Variants in CALN1 observed in about 807,000 individuals in gnomAD.
The protein encoded by CALN1 is calcium-binding protein 8.
CALN1 carries 17 observed loss-of-function variants against 30.6 expected under a neutral mutation model. That is an observed-to-expected ratio of 0.56 (90% CI 0.38 to 0.83). The LOEUF (loss-of-function observed/expected upper bound fraction) is 0.83. CALN1 is among the 40% of genes least tolerant of loss of function. The pLI is 0.00. For missense variants in CALN1, 291 were observed against 354.9 expected (o/e 0.82, Z 1.45); for synonymous variants, 156 against 131.4 (o/e 1.19, Z -1.28).
chr7:71,788,478 GTT>G (rs71092906), intron 6 of CALN1, among the ~76,000 whole-genome samples: 1 of 141,788 alleles, frequency 7.1e-6, no homozygotes, highest in Non-Finnish European at 1.5e-5. Flanking sequence ...TTACTAAGAG[GTT>G]TTTTTTTGTT....
At chr7:72,354,646 C>T (rs1196974676) in intron 2 of CALN1, among the ~76,000 whole-genome samples, 1 of 152,072 alleles carries the variant, frequency 6.6e-6, no homozygotes, top group Admixed American at 6.6e-5. Context: ...TGCGTGTGAC[C>T]AATTAGTTTT....
chr7:72,238,901 A>T (rs1194682628), intron 3 of CALN1, among the ~76,000 whole-genome samples: 1 of 152,188 alleles, frequency 6.6e-6, no homozygotes. Context: ...AAAAGAAAAG[A>T]TTGTGACAAG....
chr7:72,394,632 T>C (rs936794217), intron 2 of CALN1, among the ~76,000 whole-genome samples: 2 of 151,180 alleles, frequency 1.3e-5, no homozygotes, highest in African/African-American at 2.4e-5. Flanking sequence ...TTAATCTGAG[T>C]GTATGGCACA....
intron 2 of CALN1, among the ~76,000 whole-genome samples, chr7:72,355,168 A>C (rs1803154609): frequency 6.6e-6 from 1 of 152,174 alleles, no homozygotes; most frequent in Non-Finnish European, 1.5e-5. Context: ...TCGGTCTCCC[A>C]AAGTGCTGCG....
chr7:72,335,580 A>T (rs565084936), intron 2 of CALN1, among the ~76,000 whole-genome samples: 1 of 152,126 alleles, frequency 6.6e-6, no homozygotes. Flanking sequence ...AGCCCAAAAA[A>T]GTCTCCTTTT....
At chr7:71,869,648 G>A (rs1359064294) in intron 5 of CALN1, among the ~76,000 whole-genome samples, 3 of 152,184 alleles carry the variant, frequency 2.0e-5, no homozygotes, top group Non-Finnish European at 4.4e-5. Context: ...GAAGTCTAGA[G>A]TGGGCAAACA....
At chr7:72,025,264 C>T (rs545962239) in intron 4 of CALN1, among the ~76,000 whole-genome samples, 2 of 152,120 alleles carry the variant, frequency 1.3e-5, no homozygotes, top group African/African-American at 2.4e-5. Flanking sequence ...GAGCCAAGAT[C>T]GCACTGCTGC....
chr7:72,489,735 G>A, the CALN1 span, among the ~76,000 whole-genome samples: 2 of 152,154 alleles, frequency 1.3e-5, no homozygotes, highest in Non-Finnish European at 2.9e-5. Flanking sequence ...GGAGGGGGTG[G>A]GTCCCATGGT....
intron 5 of CALN1, among the ~76,000 whole-genome samples, chr7:71,902,939 A>G (rs1793939299): frequency 6.6e-6 from 1 of 152,252 alleles, no homozygotes; most frequent in East Asian, 1.9e-4. Flanking sequence ...ACATGGACAT[A>G]GAGAGTAGAA....
chr7:72,406,699 C>T (rs759477810), intron 1 of CALN1, among the ~76,000 whole-genome samples: 13 of 151,130 alleles, frequency 8.6e-5, no homozygotes, highest in Non-Finnish European at 1.8e-4. Context: ...TCACTGCAGG[C>T]TCTGCCTCCC....
chr7:72,121,407 T>A (rs1388842977), intron 3 of CALN1, among the ~76,000 whole-genome samples: 2 of 146,258 alleles, frequency 1.4e-5, no homozygotes, highest in East Asian at 3.9e-4. Context: ...TTATATAATA[T>A]GTACTATGTA....
In CALN1 at chr7:72,389,184, CCT is replaced by C. The variant is rs1276973463; in HGVS notation, c.119+14065_119+14066del. Among the ~76,000 whole-genome samples, 28 of 152,264 alleles carry C rather than the reference CCT, an allele frequency of 1.8e-4. No individual in the cohort carries two copies. The East Asian group carries it at 2.9e-3, about 16-fold the overall frequency. ...TCCATGGCGGGGCAACGCAGGAGCCCCTGTCCCTGGTATTCACATCAAACACC... is the reference window on the plus strand; with the variant it reads ...TCCATGGCGGGGCAACGCAGGAGCCCGTCCCTGGTATTCACATCAAACACC... On this transcript the variant is annotated intron_variant, in intron 2 of 6. Coordinates refer to ENST00000395275, the MANE Select transcript of CALN1 (RefSeq NM_031468.4).
chr7:72,082,836 T>A (rs1203860676), intron 4 of CALN1, among the ~76,000 whole-genome samples: 2 of 152,188 alleles, frequency 1.3e-5, no homozygotes, highest in African/African-American at 4.8e-5. Context: ...GGTGCGTAGA[T>A]TTTATTTATT....
intron 5 of CALN1, among the ~76,000 whole-genome samples, chr7:71,836,434 C>T (rs1387296411): frequency 6.6e-6 from 1 of 152,066 alleles, no homozygotes; most frequent in Non-Finnish European, 1.5e-5. Flanking sequence ...TGCAGTGGTG[C>T]AATCGCATCT....
In CALN1 at chr7:72,382,585, AG is replaced by A. The variant is rs35863800; in HGVS notation, c.119+20665del. ...CCACGTAGTGAGCATAGTACCCAAT[AG>A]GAAGTTTCTCAACCCTTCCCCACCT... is the stretch of plus-strand genomic sequence containing the variant. On this transcript the variant is annotated intron_variant, in intron 2 of 6. Coordinates refer to ENST00000395275, the MANE Select transcript of CALN1 (RefSeq NM_031468.4). Among the ~76,000 whole-genome samples, 6 of 152,200 alleles carry A rather than the reference AG, an allele frequency of 3.9e-5. 1 individual carries two copies. Among genetic ancestry groups the A allele is most frequent in the Admixed American group, 3.9e-4 (6 of 15,276 alleles).
chr7:71,956,163 T>C (rs1025253505), intron 5 of CALN1, among the ~76,000 whole-genome samples: 1 of 152,092 alleles, frequency 6.6e-6, no homozygotes, highest in Non-Finnish European at 1.5e-5. Context: ...AATTTTTGTA[T>C]TTTTAGTAGA....
intron 1 of CALN1, among the ~76,000 whole-genome samples, chr7:72,418,558 T>C (rs1807501144): frequency 6.6e-6 from 1 of 152,176 alleles, no homozygotes; most frequent in African/African-American, 2.4e-5. Context: ...TTTACCACAG[T>C]ATCCCCAGTA....
intron 4 of CALN1, among the ~76,000 whole-genome samples, chr7:72,075,450 T>A (rs985063476): frequency 6.6e-6 from 1 of 152,200 alleles, no homozygotes; most frequent in East Asian, 1.9e-4. Flanking sequence ...AAACAAAGTC[T>A]CTATCTTTAG....
intron 2 of CALN1, among the ~76,000 whole-genome samples, chr7:72,317,853 T>C (rs2968536): frequency 0.99 from 150,584 of 152,290 alleles, 74,467 homozygotes; most frequent in Middle Eastern, 1. Flanking sequence ...ATCCAAAGAA[T>C]GTCCTCGCAA....
Sources: gnomAD v4.1 joint callset for allele counts (sites outside exome capture counted in the v4.1 genomes callset) on GRCh38, gnomAD v4.1.1 for gene constraint, MANE v1.5 for transcripts, NCBI Gene and HGNC (gene_info 2026-07-23, HGNC 2026-07-21) for gene names.